Variants in RYR2 observed in about 807,000 individuals in gnomAD.
RYR2 encodes ryanodine receptor 2.
A neutral mutation model predicts 601.1 loss-of-function variants in RYR2; 227 were observed. The ratio of observed to expected loss-of-function variants is 0.38; its 90% CI spans 0.34 to 0.42. The LOEUF (loss-of-function observed/expected upper bound fraction) is 0.42. Ranked by LOEUF, RYR2 falls within the 10% of genes least tolerant of loss-of-function variation. The pLI is 1.00. For synonymous variants in RYR2, 2,223 were observed against 2,175.1 expected (o/e 1.02, Z -0.61); for missense variants, 4,646 against 6,156.5 (o/e 0.75, Z 8.21).
intron 10 of RYR2, among the ~76,000 whole-genome samples, chr1:237,407,425 G>A (rs950872893): frequency 6.6e-6 from 1 of 152,050 alleles, no homozygotes; most frequent in African/African-American, 2.4e-5. Context: ...GCAATGAATG[G>A]GAATCCTCTC....
At chr1:237,664,815 G>A (rs1684151474) in intron 56 of RYR2, among the ~76,000 whole-genome samples, 1 of 152,218 alleles carries the variant, frequency 6.6e-6, no homozygotes, top group African/African-American at 2.4e-5. Flanking sequence ...GACCATAGGA[G>A]TGCTGGGGAC....
chr1:237,422,896 C>T lies in RYR2; in HGVS notation c.849-196C>T, dbSNP rs16835235. Among the ~76,000 whole-genome samples the T allele has an allele frequency of 0.14, 21,432 of 152,142 alleles. 1,812 individuals are homozygous for T. Among genetic ancestry groups the T allele is most frequent in the East Asian group, 0.27 (1,411 of 5,174 alleles). ...TAACTTCTTCTTACTATAAGCTTTGCGACTTTGTGTATTACTTATCATTCT... is the reference window on the plus strand; with the variant it reads ...TAACTTCTTCTTACTATAAGCTTTGTGACTTTGTGTATTACTTATCATTCT... On this transcript the variant is annotated intron_variant, in intron 11 of 104. Coordinates refer to ENST00000366574, the MANE Select transcript of RYR2 (RefSeq NM_001035.3).
intron 58 of RYR2, among the ~76,000 whole-genome samples, chr1:237,668,584 T>C (rs76562153): frequency 0.023 from 3,536 of 152,346 alleles, 143 homozygotes; most frequent in African/African-American, 0.081. Flanking sequence ...ACTTCCTATA[T>C]GGTTTTCTTT....
At chr1:237,252,977 C>T (rs1687606335) in intron 1 of RYR2, among the ~76,000 whole-genome samples, 1 of 151,856 alleles carries the variant, frequency 6.6e-6, no homozygotes, top group African/African-American at 2.4e-5. Flanking sequence ...CCAGCCTGGC[C>T]AACATTATGA....
At chr1:237,485,301 A>G (rs1272485724) in intron 17 of RYR2, among the ~76,000 whole-genome samples, 2 of 152,234 alleles carry the variant, frequency 1.3e-5, no homozygotes, top group African/African-American at 4.8e-5. Flanking sequence ...GTGAGAACCA[A>G]CAGTCCATTT....
intron 84 of RYR2, among the ~76,000 whole-genome samples, chr1:237,765,757 C>T (rs1036269281): frequency 4.6e-5 from 7 of 152,096 alleles, no homozygotes; most frequent in African/African-American, 1.2e-4. Context: ...GATGTTGGTT[C>T]GTGGCACCAA....
At chr1:237,206,032 A>G (rs983563603) in intron 1 of RYR2, among the ~76,000 whole-genome samples, 1 of 152,220 alleles carries the variant, frequency 6.6e-6, no homozygotes, top group Non-Finnish European at 1.5e-5. Flanking sequence ...GTGGATGGCC[A>G]CCGGGTCCAC....
In RYR2 at chr1:237,496,708, A is replaced by G; in HGVS notation, c.2159A>G (p.Asp720Gly). ...GAGTGGGGTGGAAATGGTGTTGGAG[A>G]TGATCTCTTCTCCTATGGATTTGAT... Reference protein sequence around the residue: ...GEEWGGNGVGDDLFSYGFDGL... With the variant: ...GEEWGGNGVGGDLFSYGFDGL... Residue 720 changes from aspartate to glycine, a missense_variant, in exon 20 of 105, where the codon GAT becomes GGT. Around this residue, in one of 17 missense-constraint regions of RYR2, gnomAD observed 1,807 missense variants for 2,088.1 expected, o/e 0.87. Transcript: ENST00000366574. 1 of 1,613,902 alleles carries G rather than the reference A, an allele frequency of 6.2e-7. No homozygotes were observed. The highest frequency in any genetic ancestry group is 8.5e-7 in the Non-Finnish European group (1 of 1,179,860).
chr1:237,668,885 T>A (rs1684563552), intron 58 of RYR2, among the ~76,000 whole-genome samples: 1 of 152,100 alleles, frequency 6.6e-6, no homozygotes, highest in African/African-American at 2.4e-5. Context: ...TTTTTATTTT[T>A]TTTATTTTTT....
At chr1:237,245,376 C>T (rs969297945) in intron 1 of RYR2, among the ~76,000 whole-genome samples, 2 of 152,234 alleles carry the variant, frequency 1.3e-5, no homozygotes, top group Middle Eastern at 3.4e-3. Flanking sequence ...TCTATGTAGG[C>T]TTCTAAAGGG....
intron 34 of RYR2, among the ~76,000 whole-genome samples, chr1:237,597,107 A>C (rs1675974548): frequency 6.6e-6 from 1 of 152,210 alleles, no homozygotes; most frequent in African/African-American, 2.4e-5. Context: ...AACTCAGAAT[A>C]CTGCAGTACT....
intron 21 of RYR2, among the ~76,000 whole-genome samples, chr1:237,501,535 TTATAA>T (rs988520136): frequency 6.6e-6 from 1 of 152,190 alleles, no homozygotes. Flanking sequence ...TGATGGTCTG[TTATAA>T]TAAGTAACTA....
intron 34 of RYR2, among the ~76,000 whole-genome samples, chr1:237,596,818 A>G (rs974734451): frequency 1.3e-5 from 2 of 152,232 alleles, no homozygotes; most frequent in African/African-American, 4.8e-5. Context: ...CAAGTTTCTC[A>G]GCAGAAACCT....
chr1:237,808,350 A>G (rs1212117714), intron 99 of RYR2, among the ~76,000 whole-genome samples: 1 of 152,114 alleles, frequency 6.6e-6, no homozygotes, highest in East Asian at 1.9e-4. Context: ...TGTAATTTAT[A>G]GAAAATAGCC....
chr1:237,123,821 C>T (rs1285968763), intron 1 of RYR2, among the ~76,000 whole-genome samples: 1 of 151,740 alleles, frequency 6.6e-6, no homozygotes, highest in Non-Finnish European at 1.5e-5. Context: ...GTGCCCGCCA[C>T]CGCGCCCGGC....
chr1:237,436,247 G>A (rs549053283), intron 12 of RYR2, among the ~76,000 whole-genome samples: 1 of 147,724 alleles, frequency 6.8e-6, no homozygotes, highest in South Asian at 2.2e-4. Context: ...TCTATTCATT[G>A]GTCCCACGCA....
chr1:237,134,029 G>A (rs1267481988), intron 1 of RYR2, among the ~76,000 whole-genome samples: 1 of 151,964 alleles, frequency 6.6e-6, no homozygotes, highest in African/African-American at 2.4e-5. Flanking sequence ...TATTGGAGGT[G>A]TTCCCTTGGG....
chr1:237,410,150 G>A (rs1196722226), intron 10 of RYR2, among the ~76,000 whole-genome samples: 1 of 152,176 alleles, frequency 6.6e-6, no homozygotes, highest in East Asian at 1.9e-4. Flanking sequence ...AATAGACTAT[G>A]TAAGCTATTC....
At chr1:237,645,767 G>A (rs1351852365) in intron 48 of RYR2, among the ~76,000 whole-genome samples, 2 of 151,986 alleles carry the variant, frequency 1.3e-5, no homozygotes, top group African/African-American at 4.8e-5. Flanking sequence ...TGTCTACATC[G>A]GGAGTCACAG....
Sources: gnomAD v4.1 joint callset for allele counts (sites outside exome capture counted in the v4.1 genomes callset) on GRCh38, gnomAD v4.1.1 for gene constraint, gnomAD v4.1.1 regional missense constraint, MANE v1.5 for transcripts, NCBI Gene and HGNC (gene_info 2026-07-23, HGNC 2026-07-21) for gene names.